Variants in VPS13D observed in about 807,000 individuals in gnomAD.
The protein encoded by VPS13D is intermembrane lipid transfer protein VPS13D.
In VPS13D, 187 loss-of-function variants were observed where a neutral mutation model predicts 461.9. That is an observed-to-expected ratio of 0.40 (90% CI 0.36 to 0.46). The LOEUF is 0.46. Ranked by LOEUF, VPS13D falls within the 20% of genes least tolerant of loss-of-function variation. VPS13D has a pLI of 0.60. For synonymous variants in VPS13D, 1,951 were observed against 1,986.3 expected, an observed-to-expected ratio of 0.98 and a Z score of 0.47; for missense variants, 4,711 against 5,364.9, an observed-to-expected ratio of 0.88 and a Z score of 3.81.
intron 25 of VPS13D, among the ~76,000 whole-genome samples, chr1:12,302,795 T>A (rs772764139): frequency 9.9e-5 from 15 of 151,980 alleles, no homozygotes; most frequent in Non-Finnish European, 1.5e-4. Flanking sequence ...TCATACTATG[T>A]AAAGATGTTG....
chr1:12,424,801 C>T (rs976263376), intron 65 of VPS13D, among the ~76,000 whole-genome samples: 2 of 152,010 alleles, frequency 1.3e-5, no homozygotes, highest in African/African-American at 4.8e-5. Context: ...AAGGCCTGAA[C>T]ATGTCATATT....
At chr1:12,486,958 AC>A (rs1645805400) in intron 67 of VPS13D, among the ~76,000 whole-genome samples, 1 of 151,774 alleles carries the variant, frequency 6.6e-6, no homozygotes, top group African/African-American at 2.4e-5. Flanking sequence ...CTCAACACCT[AC>A]GTTTCCAGGC....
chr1:12,384,241 TAGG>T (rs1644320585), intron 58 of VPS13D, among the ~76,000 whole-genome samples: 1 of 151,940 alleles, frequency 6.6e-6, no homozygotes, highest in Non-Finnish European at 1.5e-5. Flanking sequence ...AGAGCTTACT[TAGG>T]AGTAGAGTCA....
chr1:12,296,185 A>ATTACT (rs1642270310), intron 24 of VPS13D, among the ~76,000 whole-genome samples: 1 of 152,186 alleles, frequency 6.6e-6, no homozygotes, highest in Admixed American at 6.5e-5. Context: ...GATACCTGGC[A>ATTACT]GTGGAATTAC....
At chr1:12,303,170 C>A (rs1275777527) in intron 25 of VPS13D, among the ~76,000 whole-genome samples, 1 of 152,198 alleles carries the variant, frequency 6.6e-6, no homozygotes, top group African/African-American at 2.4e-5. Flanking sequence ...GGTTAAAGAA[C>A]AGGAAATAAT....
intron 23 of VPS13D, 152 bp downstream of exon 23, chr1:12,291,276 A>T: frequency 1.2e-6 from 1 of 846,514 alleles, no homozygotes; most frequent in Non-Finnish European, 1.8e-6. Flanking sequence ...GTTCTTCCTG[A>T]CTTTAAATTT....
chr1:12,378,604 G>T lies in VPS13D; in HGVS notation c.11081+13G>T. 1.3e-6 allele frequency: 2 copies of T among 1,535,706 alleles called. No individual in the cohort carries two copies. Among genetic ancestry groups the T allele is most frequent in the African/African-American group, 1.4e-5 (1 of 71,848 alleles). On this transcript the variant is annotated intron_variant, in intron 56 of 69. Transcript: ENST00000620676. ...TGACTGACAACAGGTAATTTTCTAG[G>T]CAACTTTTGATTCAAGCTCATTGCT...
At chr1:12,270,638 T>C (rs888757784) in intron 16 of VPS13D, among the ~76,000 whole-genome samples, 4 of 152,212 alleles carry the variant, frequency 2.6e-5, no homozygotes, top group African/African-American at 9.6e-5. Flanking sequence ...TGGCTGTCCA[T>C]TCACTTACGC....
chr1:12,382,867 C>T (rs1354642649), intron 57 of VPS13D, 109 bp from the exon 58 acceptor site: 2 of 990,210 alleles, frequency 2.0e-6, no homozygotes, highest in East Asian at 2.4e-5. Context: ...TTGATCATGA[C>T]CCTCCAGAGG....
intron 24 of VPS13D, among the ~76,000 whole-genome samples, chr1:12,295,860 TTTGGGTCTA>T (rs1366153629): frequency 6.6e-6 from 1 of 152,186 alleles, no homozygotes; most frequent in African/African-American, 2.4e-5. Flanking sequence ...TCTGGTGATT[TTTGGGTCTA>T]TAAGATCCTT....
In VPS13D at chr1:12,276,383, T is replaced by C. The variant is rs1357651300; in HGVS notation, c.2795T>C (p.Met932Thr). Reference sequence around the variant, plus strand: ...CGGGGAAGTTTGCAAGACTCCGTAATGAATTTAACCCAGAGCATTGTGTTG... The same window carrying C: ...CGGGGAAGTTTGCAAGACTCCGTAACGAATTTAACCCAGAGCATTGTGTTG... The part of the protein sequence containing the change: ...EQRGSLQDSV[M>T]NLTQSIVLLE... The change falls in exon 19 of 70, where the codon ATG (methionine) becomes ACG (threonine). Residue 932 changes from methionine (M) to threonine (T), a missense_variant. Physicochemically the swap from Met to Thr is moderately conservative, Grantham distance 81. Coordinates refer to ENST00000620676, the MANE Select transcript of VPS13D (RefSeq NM_015378.4). This position sits in a 1 kb window ranked among gnomAD's most constrained non-coding sequence, Gnocchi z 4.5. The C allele has an allele frequency of 6.2e-7, 1 of 1,614,162 alleles. No homozygotes were observed. Among genetic ancestry groups the C allele is most frequent in the South Asian group, 1.1e-5 (1 of 91,074 alleles).
chr1:12,390,959 C>T (rs1644417747), intron 60 of VPS13D, among the ~76,000 whole-genome samples: 1 of 152,202 alleles, frequency 6.6e-6, no homozygotes, highest in African/African-American at 2.4e-5. Context: ...TGAGGTCACC[C>T]ATTGGTGAGC....
chr1:12,484,231 A>C (rs897569337), intron 67 of VPS13D, among the ~76,000 whole-genome samples: 1 of 152,174 alleles, frequency 6.6e-6, no homozygotes, highest in Non-Finnish European at 1.5e-5. Context: ...CTTCCCAGGA[A>C]GCCCGTCCTA....
chr1:12,364,248 A>G (rs1480900451), intron 52 of VPS13D, among the ~76,000 whole-genome samples: 1 of 152,044 alleles, frequency 6.6e-6, no homozygotes, highest in Non-Finnish European at 1.5e-5. Flanking sequence ...CCTGGCCACC[A>G]TGTTCTACTT....
chr1:12,255,652 G>A (rs1640896999), intron 7 of VPS13D, among the ~76,000 whole-genome samples: 1 of 151,900 alleles, frequency 6.6e-6, no homozygotes, highest in South Asian at 2.1e-4. Flanking sequence ...CCAGCACTTG[G>A]GAGACTGAGG....
At chr1:12,413,365 G>T (rs865988706) in intron 63 of VPS13D, among the ~76,000 whole-genome samples, 6 of 152,066 alleles carry the variant, frequency 3.9e-5, no homozygotes, top group East Asian at 1.9e-4. Flanking sequence ...GTACCTGTAG[G>T]GGGAGGCTGA....
chr1:12,271,102 G>A lies in VPS13D; in HGVS notation c.2081G>A (p.Arg694His), dbSNP rs930660878. 9.9e-6 allele frequency: 16 copies of A among 1,613,816 alleles called. No homozygotes were observed. Among genetic ancestry groups the A allele is most frequent in the African/African-American group, 8.0e-5 (6 of 74,854 alleles). ...TKAEIRQTLDRLLVGDFIEES... is the reference protein window; with the variant it reads ...TKAEIRQTLDHLLVGDFIEES... ...GCAGAAATCCGGCAAACTCTTGATC[G>A]TTTGCTAGTGGGTGATTTCATTGTA... The change falls in exon 17 of 70, where the codon CGT becomes CAT. Residue 694 changes from arginine (R) to histidine (H), a missense_variant. Arg to His is a conservative substitution (Grantham distance 29). This residue lies in a region of VPS13D where 4,411 missense variants were observed against 4,937.8 expected (regional missense o/e 0.89). Transcript: ENST00000620676.
At chr1:12,264,121 A>G (rs955053771) in intron 13 of VPS13D, among the ~76,000 whole-genome samples, 39 of 152,206 alleles carry the variant, frequency 2.6e-4, no homozygotes, top group African/African-American at 8.9e-4. Context: ...TTGGAGTGCT[A>G]TGAACCATGC....
chr1:12,277,009 C>A lies in VPS13D; in HGVS notation c.3421C>A (p.Pro1141Thr), dbSNP rs1451150937. Residue 1141 changes from proline to threonine, a missense_variant, in exon 19 of 70, where the codon CCT becomes ACT. Physicochemically the swap from Pro to Thr is conservative, Grantham distance 38. Transcript: ENST00000620676. ...PKEKDDLSPQ[P>T]LMTDFERSFR... ...GGAAAAAGATGATTTAAGTCCTCAA[C>A]CTTTAATGACTGATTTTGAAAGAAG... 1 of 1,614,134 alleles carries A rather than the reference C, an allele frequency of 6.2e-7. No homozygotes were observed. Among genetic ancestry groups the A allele is most frequent in the Non-Finnish European group, 8.5e-7 (1 of 1,180,038 alleles).
Sources: allele counts gnomAD v4.1 joint callset (sites outside exome capture counted in the v4.1 genomes callset), GRCh38; gene constraint gnomAD v4.1.1; regional missense constraint gnomAD v4.1.1; non-coding constraint Gnocchi (gnomAD v3.1); transcripts MANE v1.5; gene names NCBI Gene and HGNC (gene_info 2026-07-23, HGNC 2026-07-21).